Variants in LRRC4C observed in about 807,000 individuals in gnomAD.
LRRC4C encodes leucine-rich repeat-containing protein 4C.
LRRC4C carries 5 observed loss-of-function variants against 33.6 expected under a neutral mutation model. The ratio of observed to expected loss-of-function variants is 0.15; its 90% confidence interval spans 0.08 to 0.31. The LOEUF (loss-of-function observed/expected upper bound fraction) is 0.31. LRRC4C is among the 10% of genes least tolerant of loss of function. The probability of loss-of-function intolerance (pLI) is 1.00; values close to 1 mark genes in which losing one functional copy is unlikely to be tolerated. For synonymous variants in LRRC4C, 329 were observed against 302.0 expected, an observed-to-expected ratio of 1.09 and a Z score of -0.93; for missense variants, 560 against 796.7, an observed-to-expected ratio of 0.70 and a Z score of 3.58.
chr11:41,300,099 A>G (rs1031685003), intron 1 of LRRC4C, among the ~76,000 whole-genome samples: 8 of 152,200 alleles, frequency 5.3e-5, no homozygotes, highest in Non-Finnish European at 8.8e-5. Flanking sequence ...TAACAGGTCA[A>G]TGTAGTCACA....
chr11:40,916,841 T>A (rs1200695161), intron 2 of LRRC4C, among the ~76,000 whole-genome samples: 1 of 152,086 alleles, frequency 6.6e-6, no homozygotes, highest in Non-Finnish European at 1.5e-5. Flanking sequence ...TATTTATGGA[T>A]TTACAAGTTT....
At chr11:40,648,790 T>C (rs146367055) in intron 2 of LRRC4C, among the ~76,000 whole-genome samples, 4 of 152,320 alleles carry the variant, frequency 2.6e-5, no homozygotes, top group African/African-American at 9.6e-5. Flanking sequence ...CCACTCCCAA[T>C]ATTTCAGCGT....
At position 40,115,446 on chromosome 11, in the gene LRRC4C, G is replaced by A. The variant is rs762719989; in HGVS notation, c.847C>T (p.Pro283Ser). 3 of 1,614,202 alleles carry A rather than the reference G, an allele frequency of 1.9e-6. No individual in the cohort carries two copies. Among genetic ancestry groups the A allele is most frequent in the African/African-American group, 1.3e-5 (1 of 75,054 alleles). The change falls in exon 7 of 7, where the codon CCT (proline) becomes TCT (serine). Residue 283 changes from proline to serine, a missense_variant. Around this residue, in one of 3 missense-constraint regions of LRRC4C, gnomAD observed 455 missense variants for 643.8 expected, o/e 0.71. Transcript: ENST00000528697. The surrounding 1 kb of genome is among the most constrained non-coding windows in gnomAD (Gnocchi z 6.7). The part of the protein sequence containing the change: ...NLAHNNLTLL[P>S]HDLFTPLHHL... Reference sequence around the variant, plus strand: ...TGCAAGGGAGTGAAGAGGTCATGAGGCAGTAATGTTAGATTATTGTGTGCC... The same window carrying A: ...TGCAAGGGAGTGAAGAGGTCATGAGACAGTAATGTTAGATTATTGTGTGCC...
chr11:40,876,792 A>G (rs760559633), intron 2 of LRRC4C, among the ~76,000 whole-genome samples: 3 of 151,736 alleles, frequency 2.0e-5, no homozygotes, highest in South Asian at 4.2e-4. Context: ...AGTCTCATCT[A>G]CTAGGGAGGC....
At chr11:40,475,330 T>C (rs1953157277) in intron 3 of LRRC4C, among the ~76,000 whole-genome samples, 1 of 152,122 alleles carries the variant, frequency 6.6e-6, no homozygotes, top group East Asian at 1.9e-4. Context: ...AATTTATCCT[T>C]CTCAGCAAAC....
chr11:40,632,696 C>T (rs975075490), intron 3 of LRRC4C, among the ~76,000 whole-genome samples: 1 of 152,298 alleles, frequency 6.6e-6, no homozygotes, highest in Admixed American at 6.5e-5. Context: ...CATTACTGGA[C>T]TCAGGCATCA....
intron 3 of LRRC4C, among the ~76,000 whole-genome samples, chr11:40,329,309 C>CA (rs1455471023): frequency 1.3e-5 from 2 of 152,222 alleles, no homozygotes; most frequent in Middle Eastern, 3.4e-3. Context: ...TGATGACTAG[C>CA]AGCAAAAAGA....
At chr11:40,434,778 A>G (rs1448318202) in intron 3 of LRRC4C, among the ~76,000 whole-genome samples, 2 of 152,156 alleles carry the variant, frequency 1.3e-5, no homozygotes, top group Non-Finnish European at 2.9e-5. Flanking sequence ...ATTGTGACTA[A>G]AGTATCATAT....
intron 1 of LRRC4C, among the ~76,000 whole-genome samples, chr11:41,328,827 A>G (rs993405059): frequency 2.6e-5 from 4 of 152,122 alleles, no homozygotes; most frequent in Non-Finnish European, 5.9e-5. Context: ...CATTTCATGG[A>G]TATTTTCTCA....
rs148404818 is a variant in LRRC4C, at chr11:40,389,237, T to C, written c.-269-69516A>G. On this transcript the variant is annotated intron_variant, in intron 3 of 6. Transcript: ENST00000528697. ...ACTTGGGAGAAGTTACTGGAGCCAC[T>C]AAAAAACAAAGTGATAGAGATATCT... Among the ~76,000 whole-genome samples, 532 of 152,142 alleles carry C rather than the reference T, an allele frequency of 3.5e-3. 3 individuals carry two copies. Among genetic ancestry groups the C allele is most frequent in the Non-Finnish European group, 5.3e-3 (360 of 67,982 alleles).
intron 3 of LRRC4C, among the ~76,000 whole-genome samples, chr11:40,421,852 G>A (rs1483515066): frequency 2.0e-5 from 3 of 152,120 alleles, no homozygotes; most frequent in Admixed American, 6.5e-5. Context: ...AGGGAAAATT[G>A]GACCAAAAAT....
chr11:40,713,142 C>A (rs1946549064), intron 2 of LRRC4C, among the ~76,000 whole-genome samples: 1 of 151,820 alleles, frequency 6.6e-6, no homozygotes, highest in African/African-American at 2.4e-5. Flanking sequence ...GGTCCACCCA[C>A]CTTAGCCTCC....
chr11:40,127,817 C>T (rs11035705), intron 6 of LRRC4C, among the ~76,000 whole-genome samples: 7,303 of 152,118 alleles, frequency 0.048, 242 homozygotes, highest in Middle Eastern at 0.075. Flanking sequence ...CATATGGTCA[C>T]GTTAGAAAAT....
chr11:41,075,027 T>TTTTTTTTA lies in LRRC4C; in HGVS notation c.-495-141305_-495-141304insTAAAAAAA, dbSNP rs2135447338. Reference sequence around the variant, plus strand: ...ACCTTCAATTTTCTTTTTTTTTTTTTTTTTTTTTTATTTTTAATGTTTTTT... The same window carrying TTTTTTTTA: ...ACCTTCAATTTTCTTTTTTTTTTTTTTTTTTTTATTTTTTTTTATTTTTAATGTTTTTT... On this transcript the variant is annotated intron_variant, in intron 1 of 6. Transcript: ENST00000528697. Among the ~76,000 whole-genome samples, 947 of 102,840 alleles carry TTTTTTTTA rather than the reference T, an allele frequency of 9.2e-3. 12 individuals are homozygous for TTTTTTTTA. Among genetic ancestry groups the TTTTTTTTA allele is most frequent in the African/African-American group, 0.04 (908 of 22,782 alleles). 67.5% of individuals were successfully genotyped at this position (102,840 alleles called of 152,430 possible). A position where few individuals can be genotyped will look rare whatever the true frequency, so the allele number is the denominator to read the frequency against.
At chr11:41,428,897 C>T (rs1404433709) in intron 1 of LRRC4C, among the ~76,000 whole-genome samples, 1 of 152,166 alleles carries the variant, frequency 6.6e-6, no homozygotes, top group Non-Finnish European at 1.5e-5. Context: ...AAGATCACTT[C>T]AACCCTTGGT....
intron 1 of LRRC4C, among the ~76,000 whole-genome samples, chr11:41,114,506 T>C (rs1403452477): frequency 2.0e-5 from 3 of 152,064 alleles, no homozygotes; most frequent in Non-Finnish European, 4.4e-5. Flanking sequence ...GACATTATCA[T>C]TTGGGTTAAA....
At chr11:40,344,791 A>T (rs1947046398) in intron 3 of LRRC4C, among the ~76,000 whole-genome samples, 1 of 152,146 alleles carries the variant, frequency 6.6e-6, no homozygotes, top group African/African-American at 2.4e-5. Flanking sequence ...GATCTGATGA[A>T]CAACTTCAAC....
chr11:40,433,891 C>T (rs1951036257), intron 3 of LRRC4C, among the ~76,000 whole-genome samples: 2 of 152,050 alleles, frequency 1.3e-5, no homozygotes, highest in African/African-American at 4.8e-5. Flanking sequence ...TGTGAAATTT[C>T]CAGTTGTTCC....
At chr11:40,958,696 A>G (rs1334288278) in intron 1 of LRRC4C, among the ~76,000 whole-genome samples, 1 of 151,830 alleles carries the variant, frequency 6.6e-6, no homozygotes, top group Non-Finnish European at 1.5e-5. Flanking sequence ...AAATATGTCT[A>G]TAAACTGTTC....
Sources: gnomAD v4.1 joint callset for allele counts (sites outside exome capture counted in the v4.1 genomes callset) on GRCh38, gnomAD v4.1.1 for gene constraint, gnomAD v4.1.1 regional missense constraint, Gnocchi (gnomAD v3.1) non-coding constraint, MANE v1.5 for transcripts, NCBI Gene and HGNC (gene_info 2026-07-23, HGNC 2026-07-21) for gene names.